The following NFATC1 variants were observed in gnomAD, a reference collection of about 807,000 sequenced individuals.
The protein encoded by NFATC1 is nuclear factor of activated T cells 1.
In NFATC1, 22 loss-of-function variants were observed where a neutral mutation model predicts 76.0. The observed-to-expected ratio is 0.29, with a 90% confidence interval of 0.21 to 0.41. NFATC1 has a LOEUF of 0.41. NFATC1 is among the 10% of genes least tolerant of loss of function. NFATC1 has a pLI of 1.00. For synonymous variants in NFATC1, 704 were observed against 613.1 expected, an observed-to-expected ratio of 1.15 and a Z score of -2.19; for missense variants, 1,357 against 1,337.7, an observed-to-expected ratio of 1.01 and a Z score of -0.23.
At chr18:79,497,027 G>A (rs1216765196) in intron 9 of NFATC1, 1 of 152,250 alleles carries the variant, frequency 6.6e-6, no homozygotes, top group Admixed American at 6.5e-5. Flanking sequence ...CCACTAGAGA[G>A]ATGTGATGAG....
chr18:79,522,377 T>TGTG (rs367936709), intron 9 of NFATC1, among the ~76,000 whole-genome samples: 2 of 40,272 alleles, frequency 5.0e-5, no homozygotes, highest in Non-Finnish European at 8.4e-5. Context: ...TCTGTGTGTG[T>TGTG]GGGGGGGGGT....
intron 7 of NFATC1, among the ~76,000 whole-genome samples, chr18:79,466,982 C>T (rs2088532047): frequency 6.6e-6 from 1 of 152,270 alleles, no homozygotes; most frequent in Non-Finnish European, 1.5e-5. Context: ...CCGCCAGTCC[C>T]CTTGCCCAGG....
At chr18:79,418,305 T>G (rs2085949173) in intron 2 of NFATC1, among the ~76,000 whole-genome samples, 1 of 152,200 alleles carries the variant, frequency 6.6e-6, no homozygotes, top group Admixed American at 6.5e-5. Flanking sequence ...TGGACGCAGC[T>G]GAGGCCATTT....
rs141407384 is a variant in NFATC1 at position 79,396,072 on chromosome 18, C to G, written c.-153C>G. 1.0e-3 allele frequency: 960 copies of G among 961,774 alleles called. 2 individuals are homozygous for G. Among genetic ancestry groups the G allele is most frequent in the Non-Finnish European group, 1.2e-3 (926 of 767,118 alleles). The allele number at this position is 961,774 out of a possible 1,614,324, so 59.6% of individuals were successfully genotyped here. A position where few individuals can be genotyped will look rare whatever the true frequency, so the allele number is the denominator to read the frequency against. ...AGGGCCGCGGCCGGGCCCCGCCACG[C>G]GCGCACACGCCCCTCGATGACTTTC... is the stretch of plus-strand genomic sequence containing the variant. On this transcript the variant is annotated 5_prime_UTR_variant, in exon 1 of 10. Transcript: ENST00000427363.
At chr18:79,433,503 G>C (rs890036316) in intron 2 of NFATC1, 76 bp from the exon 3 acceptor site, 1 of 1,573,684 alleles carries the variant, frequency 6.4e-7, no homozygotes, top group Non-Finnish European at 8.7e-7. Context: ...AGATGGCGAC[G>C]GGTGAGCACG....
rs551826112 is a variant in NFATC1 at position 79,396,394 on chromosome 18, C to A, written c.127+43C>A. On this transcript the variant is annotated intron_variant, in intron 1 of 9. Coordinates refer to ENST00000427363, the MANE Select transcript of NFATC1 (RefSeq NM_001278669.2). ...TCCGCCCCCGGACCCCTGCGCCCCC[C>A]ACGGCCCGGGCCGCGCCCCCCGACC... 896 of 1,167,892 alleles carry A rather than the reference C, an allele frequency of 7.7e-4. 1 individual carries two copies. The highest frequency in any genetic ancestry group is 9.2e-4 in the Non-Finnish European group (865 of 936,950). The allele number at this position is 1,167,892 out of a possible 1,614,324, so 72.3% of individuals were successfully genotyped here.
chr18:79,449,136 C>T, intron 4 of NFATC1, 152 bp downstream of exon 4: 2 of 708,776 alleles, frequency 2.8e-6, no homozygotes, highest in Non-Finnish European at 2.3e-6. Context: ...AAACTTCACT[C>T]TTGCTTTTGA....
At chr18:79,462,926 A>G (rs1296742412) in intron 7 of NFATC1, among the ~76,000 whole-genome samples, 1 of 152,084 alleles carries the variant, frequency 6.6e-6, no homozygotes, top group African/African-American at 2.4e-5. Flanking sequence ...AGGCAGGTGG[A>G]CAGGACACCG....
chr18:79,424,799 GTGTCTGTCTGTC>G (rs1389221124), intron 2 of NFATC1, among the ~76,000 whole-genome samples: 1,380 of 103,198 alleles, frequency 0.013, 28 homozygotes, highest in African/African-American at 0.051. Context: ...CTGACTCTCT[GTGTCTGTCTGTC>G]TCTGTCTCTC....
chr18:79,458,590 ATT>A (rs1351919029), intron 6 of NFATC1, among the ~76,000 whole-genome samples: 2 of 152,234 alleles, frequency 1.3e-5, no homozygotes, highest in Non-Finnish European at 2.9e-5. Context: ...ACTGCAGGGA[ATT>A]CCCTAATGAT....
At chr18:79,443,840 C>T (rs1308060092) in intron 3 of NFATC1, among the ~76,000 whole-genome samples, 1 of 152,246 alleles carries the variant, frequency 6.6e-6, no homozygotes, top group Non-Finnish European at 1.5e-5. Flanking sequence ...CTGGTCCGCC[C>T]ACCCTCTCTG....
At chr18:79,462,755 C>T (rs577407769) in intron 7 of NFATC1, among the ~76,000 whole-genome samples, 10 of 143,010 alleles carry the variant, frequency 7.0e-5, no homozygotes, top group Non-Finnish European at 1.5e-4. Flanking sequence ...GAACATGCTT[C>T]TGAGCTCAGC....
At chr18:79,397,369 C>A (rs948125931) in intron 1 of NFATC1, among the ~76,000 whole-genome samples, 1 of 152,226 alleles carries the variant, frequency 6.6e-6, no homozygotes, top group Admixed American at 6.5e-5. Context: ...GACGTCCTTC[C>A]GAGCGCTGCC....
At chr18:79,443,288 C>T (rs1285487893) in intron 3 of NFATC1, among the ~76,000 whole-genome samples, 5 of 152,240 alleles carry the variant, frequency 3.3e-5, no homozygotes, top group African/African-American at 1.2e-4. Context: ...TGGACACACA[C>T]CTGCACGCAC....
At chr18:79,522,421 C>T (rs1209057294) in intron 9 of NFATC1, among the ~76,000 whole-genome samples, 1 of 87,662 alleles carries the variant, frequency 1.1e-5, no homozygotes, top group Non-Finnish European at 2.0e-5. Context: ...GGGGGGACGT[C>T]TGCTGGTGTG....
chr18:79,413,695 C>T (rs534990135), intron 2 of NFATC1, among the ~76,000 whole-genome samples: 2 of 152,368 alleles, frequency 1.3e-5, no homozygotes, highest in South Asian at 4.1e-4. Flanking sequence ...GGCAGGCAGC[C>T]TTTGAAAGCG....
At position 79,451,834 on chromosome 18, in the gene NFATC1, G is replaced by C; in HGVS notation, c.1903+18G>C. The C allele has an allele frequency of 1.3e-6, 2 of 1,589,920 alleles. No individual in the cohort carries two copies. The highest frequency in any genetic ancestry group is 1.7e-6 in the Non-Finnish European group (2 of 1,166,388). ...AGCCCCAGGTATGCTCTTCACCAGGGGCCATCTGCGGCCTGGGCTTCGGCG... is the reference window on the plus strand; with the variant it reads ...AGCCCCAGGTATGCTCTTCACCAGGCGCCATCTGCGGCCTGGGCTTCGGCG... On this transcript the variant is annotated intron_variant, in intron 6 of 9. Transcript: ENST00000427363.
chr18:79,488,265 C>T (rs1034261007), intron 9 of NFATC1, among the ~76,000 whole-genome samples: 3 of 127,088 alleles, frequency 2.4e-5, no homozygotes, highest in African/African-American at 5.3e-5. Context: ...TGTGTGTTTG[C>T]GGTAGTGTGT....
chr18:79,459,387 G>A (rs566299053), intron 6 of NFATC1, among the ~76,000 whole-genome samples: 145 of 152,302 alleles, frequency 9.5e-4, no homozygotes, highest in African/African-American at 3.1e-3. Flanking sequence ...GGAGGAGGCC[G>A]CGGGGGAGAC....
Sources: gnomAD v4.1 joint callset for allele counts (sites outside exome capture counted in the v4.1 genomes callset) on GRCh38, gnomAD v4.1.1 for gene constraint, MANE v1.5 for transcripts, NCBI Gene and HGNC (gene_info 2026-07-23, HGNC 2026-07-21) for gene names.